DPH6: variants seen among roughly 807,000 people sequenced by gnomAD.
DPH6 encodes the protein diphthine--ammonia ligase.
A neutral mutation model predicts 38.2 loss-of-function variants in DPH6; 33 were observed. That is an observed-to-expected ratio of 0.86 (90% CI 0.65 to 1.15). DPH6 has a LOEUF of 1.15. Among genes scored for constraint, DPH6 ranks in the 50% most tolerant of loss-of-function variants. DPH6 has a pLI of 0.00. For synonymous variants in DPH6, 108 were observed against 103.0 expected, an observed-to-expected ratio of 1.05 and a Z score of -0.30; for missense variants, 325 against 320.0, an observed-to-expected ratio of 1.02 and a Z score of -0.12.
At chr15:35,146,132 C>T in the DPH6 span, among the ~76,000 whole-genome samples, 8 of 150,790 alleles carry the variant, frequency 5.3e-5, no homozygotes, top group East Asian at 2.0e-4. Context: ...TGCATGAGCA[C>T]TTTATTCAAA....
intron 3 of DPH6, among the ~76,000 whole-genome samples, chr15:35,262,307 C>G (rs149222329): frequency 6.6e-6 from 1 of 152,132 alleles, no homozygotes; most frequent in East Asian, 1.9e-4. Flanking sequence ...AAACACACTT[C>G]ATAAAAATTT....
At chr15:35,233,851 A>G (rs1364377962) in intron 3 of DPH6, among the ~76,000 whole-genome samples, 2 of 152,160 alleles carry the variant, frequency 1.3e-5, no homozygotes, top group Non-Finnish European at 2.9e-5. Context: ...TTTAATGCAG[A>G]TCTTTGCATG....
At chr15:35,164,539 T>A in the DPH6 span, among the ~76,000 whole-genome samples, 6 of 151,934 alleles carry the variant, frequency 3.9e-5, no homozygotes, top group Admixed American at 3.3e-4. Context: ...TGTTTATTTT[T>A]TAATGTATTC....
Position 35,444,298 on chromosome 15 carries a change from A to T in DPH6, c.505+6387T>A, listed in dbSNP as rs887116798. Among the ~76,000 whole-genome samples, 11 of 152,322 alleles carry T rather than the reference A, an allele frequency of 7.2e-5. No individual in the cohort carries two copies. In the South Asian group the frequency reaches 2.3e-3, roughly 32 times the overall value. ...CATTATGCAACAAGCTCCCTTCAGGATAACATAATGTCATTCCTTTATCCT... is the reference window on the plus strand; with the variant it reads ...CATTATGCAACAAGCTCCCTTCAGGTTAACATAATGTCATTCCTTTATCCT... On this transcript the variant is annotated intron_variant, in intron 5 of 8. Transcript: ENST00000256538.
At chr15:35,237,642 C>G in intron 3 of DPH6, 1 of 1,612,600 alleles carries the variant, frequency 6.2e-7, no homozygotes, top group East Asian at 2.2e-5. Flanking sequence ...CTCAGCACAA[C>G]AGAGCCACTG....
the DPH6 span, among the ~76,000 whole-genome samples, chr15:35,167,687 T>C: frequency 2.0e-5 from 3 of 151,940 alleles, no homozygotes; most frequent in Non-Finnish European, 4.4e-5. Context: ...CATTTATATA[T>C]AGCAGATAAT....
chr15:35,297,555 G>A (rs2140795767), intron 3 of DPH6, among the ~76,000 whole-genome samples: 1 of 151,714 alleles, frequency 6.6e-6, no homozygotes, highest in South Asian at 2.1e-4. Flanking sequence ...TTTTGGTAAG[G>A]AGATTGCCTG....
rs576351863 is a variant in DPH6 at position 35,303,807 on chromosome 15, G to T, written n.200+69714C>A. Among the ~76,000 whole-genome samples the T allele has an allele frequency of 2.0e-5, 3 of 151,374 alleles. No homozygotes were observed. The South Asian group carries it at 6.2e-4, about 32-fold the overall frequency. Reference sequence around the variant, plus strand: ...TTTTTTCCCCTTTTTTTTTAAAGAAGGATACTAATTTTCTTTATTGAGTCC... The same window carrying T: ...TTTTTTCCCCTTTTTTTTTAAAGAATGATACTAATTTTCTTTATTGAGTCC... On this transcript the variant is annotated intron_variant and non_coding_transcript_variant, in intron 3 of 3. Coordinates refer to the DPH6 transcript ENST00000560386.
chr15:35,431,987 CAAT>C (rs2053638591), intron 5 of DPH6, among the ~76,000 whole-genome samples: 1 of 152,092 alleles, frequency 6.6e-6, no homozygotes, highest in Non-Finnish European at 1.5e-5. Context: ...AAATACCAAT[CAAT>C]ACTTACTATG....
intron 4 of DPH6, among the ~76,000 whole-genome samples, chr15:35,452,245 A>G (rs1392028569): frequency 1.3e-5 from 2 of 152,200 alleles, no homozygotes; most frequent in African/African-American, 4.8e-5. Context: ...AGAGAGGACT[A>G]TAATTGTTTA....
At chr15:35,354,751 G>A (rs80318490) in intron 3 of DPH6, among the ~76,000 whole-genome samples, 1 of 151,774 alleles carries the variant, frequency 6.6e-6, no homozygotes, top group Non-Finnish European at 1.5e-5. Context: ...TCTTTTTTTT[G>A]TTGTGTCTCT....
intron 3 of DPH6, among the ~76,000 whole-genome samples, chr15:35,305,344 A>ATTCTTT (rs2052081499): frequency 6.8e-6 from 1 of 147,310 alleles, no homozygotes; most frequent in Non-Finnish European, 1.5e-5. Flanking sequence ...GGTCTTAAAG[A>ATTCTTT]ATGTTGAGCT....
intron 3 of DPH6, among the ~76,000 whole-genome samples, chr15:35,275,720 A>T (rs536424600): frequency 2.9e-4 from 44 of 152,092 alleles, no homozygotes; most frequent in African/African-American, 1.1e-3. Flanking sequence ...AAGTAAAAAA[A>T]AAAAAAAATA....
intron 3 of DPH6, among the ~76,000 whole-genome samples, chr15:35,459,254 T>G (rs1364360890): frequency 2.0e-5 from 3 of 152,188 alleles, no homozygotes; most frequent in South Asian, 2.1e-4. Flanking sequence ...TCTTCCTGCC[T>G]TGTAGATGAT....
chr15:35,299,318 T>C, intron 3 of DPH6: 1 of 1,031,912 alleles, frequency 9.7e-7, no homozygotes, highest in Non-Finnish European at 1.5e-6. Flanking sequence ...TGTTTCGTCC[T>C]TTGGCTCTTT....
intron 3 of DPH6, chr15:35,490,242 TAAG>T (rs1595410906): frequency 2.1e-6 from 2 of 962,758 alleles, no homozygotes; most frequent in East Asian, 1.1e-4. Flanking sequence ...GAAAAACAAA[TAAG>T]AAGACAGGCT....
chr15:35,298,217 C>T (rs776536044), intron 3 of DPH6: 26 of 487,694 alleles, frequency 5.3e-5, no homozygotes, highest in African/African-American at 1.6e-4. Context: ...TAAGGATCAC[C>T]GGAGATGACT....
intron 3 of DPH6, among the ~76,000 whole-genome samples, chr15:35,248,252 G>C (rs2051649063): frequency 1.3e-5 from 2 of 152,142 alleles, no homozygotes; most frequent in Admixed American, 1.3e-4. Context: ...TTTTCTCCAA[G>C]CTGGGTCATG....
chr15:35,405,014 G>A (rs1595535476), intron 6 of DPH6, among the ~76,000 whole-genome samples: 1 of 152,138 alleles, frequency 6.6e-6, no homozygotes, highest in Non-Finnish European at 1.5e-5. Flanking sequence ...TGGCATCTTT[G>A]TCAAAAATGA....
Sources: allele counts gnomAD v4.1 joint callset (sites outside exome capture counted in the v4.1 genomes callset), GRCh38; gene constraint gnomAD v4.1.1; transcripts MANE v1.5; gene names NCBI Gene and HGNC (gene_info 2026-07-23, HGNC 2026-07-21).